C8A: variants seen among roughly 807,000 people sequenced by gnomAD.
The protein encoded by C8A is complement C8 alpha chain.
A neutral mutation model predicts 65.3 loss-of-function variants in C8A; 67 were observed. The ratio of observed to expected loss-of-function variants is 1.03; its 90% CI spans 0.84 to 1.26. The LOEUF (loss-of-function observed/expected upper bound fraction) is 1.26, where lower values mean the gene tolerates loss of function less well. C8A is among the 50% of genes most tolerant of loss of function. The pLI is 0.00. For missense variants in C8A, 781 were observed against 723.9 expected, an observed-to-expected ratio of 1.08 and a Z score of -0.90; for synonymous variants, 290 against 259.4, an observed-to-expected ratio of 1.12 and a Z score of -1.13.
At chr1:56,858,597 T>C (rs1643999984) in intron 1 of C8A, among the ~76,000 whole-genome samples, 1 of 152,232 alleles carries the variant, frequency 6.6e-6, no homozygotes, top group South Asian at 2.1e-4. Context: ...ATTGCTTTTA[T>C]GGACATCAGA....
intron 7 of C8A, 136 bp from the exon 8 acceptor site, chr1:56,906,531 T>G (rs1036381155): frequency 9.6e-6 from 9 of 939,030 alleles, no homozygotes; most frequent in Middle Eastern, 2.5e-4. Flanking sequence ...GAAATTGGAT[T>G]AAAGAACCGG....
At chr1:56,885,304 A>G (rs1176205907) in intron 6 of C8A, among the ~76,000 whole-genome samples, 1 of 126,702 alleles carries the variant, frequency 7.9e-6, no homozygotes, top group African/African-American at 3.8e-5. Context: ...ATATTTATAT[A>G]TATTTACATA....
intron 2 of C8A, among the ~76,000 whole-genome samples, chr1:56,869,941 T>C (rs974492864): frequency 6.6e-6 from 1 of 152,182 alleles, no homozygotes; most frequent in African/African-American, 2.4e-5. Flanking sequence ...CAAAATTGCA[T>C]AGCTAGTAAG....
chr1:56,861,269 C>T (rs149870484), intron 1 of C8A, among the ~76,000 whole-genome samples: 20 of 152,244 alleles, frequency 1.3e-4, no homozygotes, highest in Non-Finnish European at 2.8e-4. Context: ...ATTTTATATA[C>T]TTTAAGTTCT....
chr1:56,895,612 A>G (rs1644382072), intron 7 of C8A, among the ~76,000 whole-genome samples: 1 of 152,214 alleles, frequency 6.6e-6, no homozygotes, highest in Non-Finnish European at 1.5e-5. Context: ...AACACAAAGT[A>G]TCAAAGTATG....
intron 7 of C8A, among the ~76,000 whole-genome samples, chr1:56,891,308 A>G (rs1199873581): frequency 6.6e-6 from 1 of 152,154 alleles, no homozygotes; most frequent in Non-Finnish European, 1.5e-5. Flanking sequence ...CATGTGTGGC[A>G]GAAGCCTCGG....
At chr1:56,875,956 G>A (rs998884047) in intron 3 of C8A, 106 bp from the exon 4 acceptor site, 1 of 1,429,458 alleles carries the variant, frequency 7.0e-7, no homozygotes, top group Non-Finnish European at 9.6e-7. Flanking sequence ...AAGAGAATGG[G>A]ACAGATGGGA....
chr1:56,872,770 T>C (rs1557699998), intron 2 of C8A, among the ~76,000 whole-genome samples: 1 of 152,052 alleles, frequency 6.6e-6, no homozygotes, highest in African/African-American at 2.4e-5. Flanking sequence ...ATTATAGAAA[T>C]GTATTTAATG....
At chr1:56,865,192 A>G (rs2101195256) in intron 1 of C8A, among the ~76,000 whole-genome samples, 1 of 152,342 alleles carries the variant, frequency 6.6e-6, no homozygotes, top group African/African-American at 2.4e-5. Context: ...TCTTGAGGAA[A>G]AGCAATTATT....
rs1644246557 is a variant in C8A, at chr1:56,881,460, C to A, written c.480C>A (p.Thr160=). The A allele has an allele frequency of 1.1e-5, 18 of 1,613,374 alleles. 1 individual carries two copies. Among genetic ancestry groups the A allele is most frequent in the Middle Eastern group, 1.6e-4 (1 of 6,074 alleles). Residue 160 remains threonine, a synonymous_variant, in exon 5 of 11, where the codon ACC becomes ACA. Coordinates refer to ENST00000361249, the MANE Select transcript of C8A (RefSeq NM_000562.3). ...QKAALGYNIL[T]QEDAQSVYDA... ...TTCCATGTAGGTACAATATCCTGACCCAGGAAGATGCTCAGAGTGTGTACG... is the reference window on the plus strand; with the variant it reads ...TTCCATGTAGGTACAATATCCTGACACAGGAAGATGCTCAGAGTGTGTACG...
intron 9 of C8A, among the ~76,000 whole-genome samples, chr1:56,910,912 C>A (rs1001976486): frequency 3.9e-5 from 6 of 152,164 alleles, no homozygotes; most frequent in Non-Finnish European, 8.8e-5. Flanking sequence ...TGCTCTGTGA[C>A]CTTGGCAAAT....
intron 4 of C8A, among the ~76,000 whole-genome samples, chr1:56,879,671 A>G (rs749841996): frequency 6.6e-6 from 1 of 152,196 alleles, no homozygotes; most frequent in Non-Finnish European, 1.5e-5. Flanking sequence ...CAATTTCTGC[A>G]TTTGCAAAGT....
intron 7 of C8A, among the ~76,000 whole-genome samples, chr1:56,892,327 A>G (rs979260004): frequency 6.6e-6 from 1 of 152,132 alleles, no homozygotes; most frequent in African/African-American, 2.4e-5. Context: ...GCTCCATACC[A>G]AGACTCCTCA....
chr1:56,911,533 A>G (rs1644506431), intron 9 of C8A, among the ~76,000 whole-genome samples: 1 of 152,178 alleles, frequency 6.6e-6, no homozygotes, highest in African/African-American at 2.4e-5. Flanking sequence ...CCCAAGGAAT[A>G]TTTGGCAATG....
chr1:56,912,639 A>G lies in C8A; in HGVS notation c.1603+14A>G, dbSNP rs758906589. The G allele has an allele frequency of 8.7e-6, 14 of 1,611,416 alleles. No individual in the cohort carries two copies. Among genetic ancestry groups the G allele is most frequent in the African/African-American group, 1.3e-5 (1 of 74,878 alleles). On this transcript the variant is annotated intron_variant, in intron 10 of 10. Transcript: ENST00000361249. ...CACAGACAGAAGGTAAGGTCCGTGC[A>G]TCCCCACCCAGTTCCAGCCTGTCCC... is the stretch of plus-strand genomic sequence containing the variant.
intron 1 of C8A, among the ~76,000 whole-genome samples, chr1:56,863,804 G>T (rs1364870853): frequency 6.6e-6 from 1 of 152,030 alleles, no homozygotes; most frequent in African/African-American, 2.4e-5. Flanking sequence ...CTATATCCCA[G>T]AAATTGGTTT....
chr1:56,882,768 T>A (rs1644258496), intron 5 of C8A, among the ~76,000 whole-genome samples: 2 of 152,124 alleles, frequency 1.3e-5, no homozygotes, highest in South Asian at 4.1e-4. Context: ...CAAGACGGAC[T>A]AAGTGCTTTG....
At chr1:56,877,778 G>T (rs1644212048) in intron 4 of C8A, among the ~76,000 whole-genome samples, 1 of 152,138 alleles carries the variant, frequency 6.6e-6, no homozygotes, top group Admixed American at 6.5e-5. Context: ...CAGCCCTGTT[G>T]CAGCCCACCC....
intron 7 of C8A, among the ~76,000 whole-genome samples, chr1:56,887,490 C>T (rs1427268559): frequency 6.6e-6 from 1 of 152,132 alleles, no homozygotes; most frequent in Non-Finnish European, 1.5e-5. Context: ...TTGTTGGCCA[C>T]ATAAATGTCT....
Sources: allele counts gnomAD v4.1 joint callset (sites outside exome capture counted in the v4.1 genomes callset), GRCh38; gene constraint gnomAD v4.1.1; transcripts MANE v1.5; gene names NCBI Gene and HGNC (gene_info 2026-07-23, HGNC 2026-07-21).